Variants in ZNF623 observed in about 807,000 individuals in gnomAD.
ZNF623 encodes zinc finger protein 623.
In ZNF623, 16 loss-of-function variants were observed where a neutral mutation model predicts 24.0. That is an observed-to-expected ratio of 0.67 (90% CI 0.45 to 1.01). The LOEUF is 1.01. ZNF623 is among the 50% of genes least tolerant of loss of function. The pLI, the probability that ZNF623 is intolerant of heterozygous loss-of-function variation, is 0.00. For missense variants in ZNF623, 566 were observed against 606.5 expected (o/e 0.93, Z 0.70); for synonymous variants, 224 against 219.8 (o/e 1.02, Z -0.17).
At chr8:143,649,091 C>T (rs1292917107) in intron 1 of ZNF623, among the ~76,000 whole-genome samples, 2 of 151,994 alleles carry the variant, frequency 1.3e-5, no homozygotes, top group African/African-American at 4.8e-5. Flanking sequence ...TCCTGGCTAA[C>T]ACGGTAAAAC....
rs1003443504 is a variant in ZNF623 at position 143,650,178 on chromosome 8, A to T, written c.186A>T (p.Arg62Ser). 4 of 1,614,104 alleles carry T rather than the reference A, an allele frequency of 2.5e-6. No homozygotes were observed. The African/African-American group carries it at 5.3e-5, about 22-fold the overall frequency. ...CTCAAGTGTGCACCAAGTCAGGAAG[A>T]AACCATATTCTGAACTCAGACCTTC... Reference protein sequence around the residue: ...ETAQVCTKSGRNHILNSDLLL... With the variant: ...ETAQVCTKSGSNHILNSDLLL... The change falls in exon 2 of 2, where the codon AGA (arginine) becomes AGT (serine). Residue 62 changes from arginine to serine, a missense_variant. Transcript: ENST00000526926. This position sits in a 1 kb window ranked among gnomAD's most constrained non-coding sequence, Gnocchi z 5.2.
chr8:143,649,150 C>T (rs375308987), intron 1 of ZNF623, among the ~76,000 whole-genome samples: 1 of 151,802 alleles, frequency 6.6e-6, no homozygotes, highest in Admixed American at 6.6e-5. Flanking sequence ...TGGTGGCGGG[C>T]GCCTGTAGTC....
At chr8:143,645,910 G>A (rs769373890) in intron 1 of ZNF623, among the ~76,000 whole-genome samples, 25 of 152,022 alleles carry the variant, frequency 1.6e-4, no homozygotes, top group African/African-American at 5.1e-4. Context: ...TTTTTTTATG[G>A]GAGATTTTCC....
chr8:143,649,831 G>T, intron 1 of ZNF623, 67 bp from the exon 2 acceptor site: 1 of 1,557,194 alleles, frequency 6.4e-7, no homozygotes, highest in Non-Finnish European at 8.7e-7. Flanking sequence ...ATTTTATCCT[G>T]CCCTGATTCA....
In ZNF623 at chr8:143,653,688, G is replaced by A. The variant is rs116869310; in HGVS notation, c.*2205G>A. 129 of 167,160 alleles carry A rather than the reference G, an allele frequency of 7.7e-4. No individual in the cohort carries two copies. Among genetic ancestry groups the A allele is most frequent in the East Asian group, 5.6e-3 (29 of 5,192 alleles). The allele number at this position is 167,160 out of a possible 1,614,324, so 10.4% of individuals were successfully genotyped here. On this transcript the variant is annotated 3_prime_UTR_variant, in exon 2 of 2. Coordinates refer to ENST00000526926, the MANE Select transcript of ZNF623 (RefSeq NM_001261843.2). ...ATTCATTTACTATGTGTTCTTTTGC[G>A]TCTGATGTCTCACTTTGGCATGTTT...
intron 1 of ZNF623, among the ~76,000 whole-genome samples, chr8:143,637,081 G>C (rs376060501): frequency 6.6e-6 from 1 of 152,238 alleles, no homozygotes; most frequent in Non-Finnish European, 1.5e-5. Context: ...GGTAGCAGAA[G>C]CCAAATGGCC....
Position 143,650,208 on chromosome 8 carries a change from G to C in ZNF623, c.216G>C (p.Leu72=). 2 of 1,614,246 alleles carry C rather than the reference G, an allele frequency of 1.2e-6. No homozygotes were observed. The highest frequency in any genetic ancestry group is 1.7e-6 in the Non-Finnish European group (2 of 1,180,052). ...RNHILNSDLL[L]LQRELIEGEA... ...ATATTCTGAACTCAGACCTTCTTCT[G>C]CTTCAGAGAGAGCTCATAGAGGGGG... The change falls in exon 2 of 2, where the codon CTG becomes CTC. Residue 72 remains leucine, a synonymous_variant. Coordinates refer to ENST00000526926, the MANE Select transcript of ZNF623 (RefSeq NM_001261843.2). The surrounding 1 kb of genome is among the most constrained non-coding windows in gnomAD (Gnocchi z 5.2).
intron 1 of ZNF623, among the ~76,000 whole-genome samples, chr8:143,643,971 T>A (rs554218607): frequency 3.3e-4 from 50 of 152,324 alleles, no homozygotes; most frequent in African/African-American, 1.2e-3. Flanking sequence ...ATCCTCACTG[T>A]TGGGGCTGCT....
Position 143,650,254 on chromosome 8 carries a change from T to C in ZNF623, c.262T>C (p.Cys88Arg), listed in dbSNP as rs1815267252. 1 of 1,614,124 alleles carries C rather than the reference T, an allele frequency of 6.2e-7. No individual in the cohort carries two copies. The highest frequency in any genetic ancestry group is 1.3e-5 in the African/African-American group (1 of 74,942). The change falls in exon 2 of 2, where the codon TGT becomes CGT. Residue 88 changes from cysteine to arginine, a missense_variant. By Grantham distance (180) the Cys-to-Arg change is radical. Around this residue, in one of 3 missense-constraint regions of ZNF623, gnomAD observed 313 missense variants for 300.4 expected, o/e 1.04. Coordinates refer to ENST00000526926, the MANE Select transcript of ZNF623 (RefSeq NM_001261843.2). This position sits in a 1 kb window ranked among gnomAD's most constrained non-coding sequence, Gnocchi z 5.2. ...IEGEANPCDI[C>R]GKTFTFNSDL... is the part of the protein sequence containing the mutation. Reference sequence around the variant, plus strand: ...GGGGGAAGCCAATCCTTGCGATATCTGTGGCAAAACCTTCACGTTTAATTC... The same window carrying C: ...GGGGGAAGCCAATCCTTGCGATATCCGTGGCAAAACCTTCACGTTTAATTC...
At chr8:143,648,548 T>C (rs1223523983) in intron 1 of ZNF623, among the ~76,000 whole-genome samples, 1 of 152,036 alleles carries the variant, frequency 6.6e-6, no homozygotes, top group African/African-American at 2.4e-5. Context: ...ACGTGCATTT[T>C]TCAGGTCGCT....
intron 1 of ZNF623, among the ~76,000 whole-genome samples, chr8:143,643,465 C>T (rs1422810335): frequency 6.6e-6 from 1 of 152,196 alleles, no homozygotes; most frequent in Non-Finnish European, 1.5e-5. Context: ...GGGTGGAGTC[C>T]CCTTCTTGGA....
intron 1 of ZNF623, among the ~76,000 whole-genome samples, chr8:143,644,534 T>C (rs1815127370): frequency 6.6e-6 from 1 of 152,178 alleles, no homozygotes; most frequent in South Asian, 2.1e-4. Context: ...ACAGTCAGCC[T>C]TCTCATCCTG....
chr8:143,640,802 G>A (rs1050946016), intron 1 of ZNF623, among the ~76,000 whole-genome samples: 3 of 151,930 alleles, frequency 2.0e-5, no homozygotes, highest in African/African-American at 7.3e-5. Flanking sequence ...TTAGCTGGGC[G>A]TGGTGGCGCA....
At chr8:143,645,176 G>A (rs569865246) in intron 1 of ZNF623, among the ~76,000 whole-genome samples, 1 of 151,088 alleles carries the variant, frequency 6.6e-6, no homozygotes, top group Non-Finnish European at 1.5e-5. Context: ...GAGCGTGGTG[G>A]CTCATGCCTG....
At chr8:143,640,941 TAAAAAAAA>T (rs57279986) in intron 1 of ZNF623, among the ~76,000 whole-genome samples, 1 of 65,550 alleles carries the variant, frequency 1.5e-5, no homozygotes, top group African/African-American at 5.6e-5. Context: ...ACTCTGTCTT[TAAAAAAAA>T]AAAAAAAAAA....
Position 143,651,237 on chromosome 8 carries a change from A to G in ZNF623, c.1245A>G (p.Gly415=), listed in dbSNP as rs781193494. Residue 415 remains glycine, a synonymous_variant, in exon 2 of 2, where the codon GGA becomes GGG. Coordinates refer to ENST00000526926, the MANE Select transcript of ZNF623 (RefSeq NM_001261843.2). ...TTCTGCACCAGATTATTCACACTGG[A>G]GAAAAGCCCTATGTGTGCAGTTATT... ...KLLLHQIIHT[G]EKPYVCSYCG... is the part of the protein sequence containing the mutation. 1.9e-6 allele frequency: 3 copies of G among 1,614,236 alleles called. No individual in the cohort carries two copies. In the Admixed American group the frequency reaches 5.0e-5, roughly 27 times the overall value.
intron 1 of ZNF623, among the ~76,000 whole-genome samples, chr8:143,646,540 T>TGTGCGC (rs1554605068): frequency 7.7e-6 from 1 of 130,298 alleles, no homozygotes; most frequent in East Asian, 3.3e-4. Context: ...GCCTGTGGGG[T>TGTGCGC]GTGTGCGTGT....
chr8:143,646,546 CGTGT>C (rs60526625), intron 1 of ZNF623, among the ~76,000 whole-genome samples: 17 of 149,440 alleles, frequency 1.1e-4, no homozygotes, highest in East Asian at 3.9e-4. Flanking sequence ...GGGGTGTGTG[CGTGT>C]GTGTGTGTGT....
At chr8:143,637,797 C>G (rs1010458615) in intron 1 of ZNF623, among the ~76,000 whole-genome samples, 2 of 152,082 alleles carry the variant, frequency 1.3e-5, no homozygotes, top group Admixed American at 6.5e-5. Context: ...ATCTGCCCAC[C>G]TCGGCTTCCC....
Sources: allele counts gnomAD v4.1 joint callset (sites outside exome capture counted in the v4.1 genomes callset), GRCh38; gene constraint gnomAD v4.1.1; regional missense constraint gnomAD v4.1.1; non-coding constraint Gnocchi (gnomAD v3.1); transcripts MANE v1.5; gene names NCBI Gene and HGNC (gene_info 2026-07-23, HGNC 2026-07-21).